Variants in NUMBL observed in about 807,000 individuals in gnomAD.
The protein encoded by NUMBL is numb-like protein.
A neutral mutation model predicts 48.9 loss-of-function variants in NUMBL; 20 were observed. That is an observed-to-expected ratio of 0.41 (90% CI 0.29 to 0.59). The LOEUF is 0.59. Ranked by LOEUF, NUMBL falls within the 20% of genes least tolerant of loss-of-function variation. The pLI is 0.31. For synonymous variants in NUMBL, 340 were observed against 348.7 expected (o/e 0.98, Z 0.28); for missense variants, 660 against 846.2 (o/e 0.78, Z 2.73).
At chr19:40,672,499 C>A (rs1337718517) in intron 8 of NUMBL, among the ~76,000 whole-genome samples, 5 of 152,248 alleles carry the variant, frequency 3.3e-5, no homozygotes, top group African/African-American at 1.2e-4. Context: ...GTGCCTACAA[C>A]AAATGTTCCT....
At position 40,683,172 on chromosome 19, in the gene NUMBL, G is replaced by A. The variant is rs370794894; in HGVS notation, c.250-204C>T. ...AGATGGGGAAACTGAAGCACAGCAC[G>A]TAGTAGTGATTCCAGTCTAGCTATA... On this transcript the variant is annotated intron_variant, in intron 3 of 9. Coordinates refer to ENST00000252891, the MANE Select transcript of NUMBL (RefSeq NM_004756.5). 4.1e-4 allele frequency: 255 copies of A among 626,248 alleles called. No homozygotes were observed. The African/African-American group carries it at 4.1e-3, about 10-fold the overall frequency. 38.8% of individuals were successfully genotyped at this position (626,248 alleles called of 1,614,324 possible). A position where few individuals can be genotyped will look rare whatever the true frequency, so the allele number is the denominator to read the frequency against.
chr19:40,684,778 G>A, intron 2 of NUMBL: 1 of 574,480 alleles, frequency 1.7e-6, no homozygotes, highest in Non-Finnish European at 2.9e-6. Flanking sequence ...GTTGGGCACT[G>A]GGGATTCAGA....
intron 8 of NUMBL, among the ~76,000 whole-genome samples, chr19:40,672,051 T>C (rs1189662211): frequency 1.3e-5 from 2 of 152,250 alleles, no homozygotes; most frequent in East Asian, 1.9e-4. Context: ...TTGTATTTTT[T>C]TGTAGAGACA....
intron 2 of NUMBL, among the ~76,000 whole-genome samples, 170 bp downstream of exon 2, chr19:40,686,741 G>T (rs535863643): frequency 2.3e-4 from 35 of 152,268 alleles, no homozygotes; most frequent in African/African-American, 8.4e-4. Context: ...GGGTGTCAGG[G>T]TGTGGGTCTG....
chr19:40,677,395 G>A lies in NUMBL; in HGVS notation c.567C>T (p.Gly189=). The change falls in exon 7 of 10, where the codon GGC becomes GGT. Residue 189 remains glycine (G), a synonymous_variant. Transcript: ENST00000252891. ...DSGERLSHAV[G]CAFAACLERK... Reference sequence around the variant, plus strand: ...GCTCCAGGCAGGCGGCAAAAGCACAGCCCACAGCGTGGCTCAGCCTCTCGC... The same window carrying A: ...GCTCCAGGCAGGCGGCAAAAGCACAACCCACAGCGTGGCTCAGCCTCTCGC... 1 of 1,610,658 alleles carries A rather than the reference G, an allele frequency of 6.2e-7. No individual in the cohort carries two copies. Among genetic ancestry groups the A allele is most frequent in the Non-Finnish European group, 8.5e-7 (1 of 1,179,914 alleles).
chr19:40,679,884 G>A (rs1429166631), intron 6 of NUMBL, among the ~76,000 whole-genome samples: 1 of 151,960 alleles, frequency 6.6e-6, no homozygotes, highest in African/African-American at 2.4e-5. Context: ...AATGTTTCAG[G>A]ACTGCTAAAG....
In NUMBL at chr19:40,673,429, C is replaced by G; in HGVS notation, c.951G>C (p.Ser317=). 5.0e-6 allele frequency: 8 copies of G among 1,612,984 alleles called. No homozygotes were observed. The highest frequency in any genetic ancestry group is 4.4e-5 in the South Asian group (4 of 90,786). ...GTAGGCTCAGCTGCCGTTTGAAAGG[C>G]GAGTTCTTCTGGCTGAGTGCTGGGA... The part of the protein sequence containing the change: ...RGFPALSQKN[S]PFKRQLSLRL... The change falls in exon 8 of 10, where the codon TCG becomes TCC. Residue 317 remains serine, a synonymous_variant. Coordinates refer to ENST00000252891, the MANE Select transcript of NUMBL (RefSeq NM_004756.5). The surrounding 1 kb of genome is among the most constrained non-coding windows in gnomAD (Gnocchi z 5.9).
chr19:40,675,560 A>C (rs1014668057), intron 7 of NUMBL, among the ~76,000 whole-genome samples: 3 of 145,802 alleles, frequency 2.1e-5, no homozygotes, highest in African/African-American at 7.7e-5. Flanking sequence ...CAGGACATAC[A>C]TACAATTATA....
intron 2 of NUMBL, chr19:40,686,167 T>TG (rs1379089902): frequency 7.0e-6 from 1 of 143,466 alleles, no homozygotes; most frequent in African/African-American, 2.7e-5. Context: ...TTTTTTTTTT[T>TG]GAGACGAAAT....
At chr19:40,676,660 C>A (rs1254908342) in intron 7 of NUMBL, among the ~76,000 whole-genome samples, 1 of 149,398 alleles carries the variant, frequency 6.7e-6, no homozygotes. Context: ...CCATTGCACT[C>A]CAGCCTGGTT....
chr19:40,679,870 T>C (rs1337816612), intron 6 of NUMBL, among the ~76,000 whole-genome samples: 2 of 152,048 alleles, frequency 1.3e-5, no homozygotes, highest in Admixed American at 6.6e-5. Context: ...TTAGCGGTGA[T>C]GAAAATGTTT....
At chr19:40,684,180 T>C in intron 3 of NUMBL, 1 of 463,340 alleles carries the variant, frequency 2.2e-6, no homozygotes, top group Non-Finnish European at 3.9e-6. Flanking sequence ...GCGATTCTCC[T>C]GTCTCAGCCT....
In NUMBL at chr19:40,667,619, G is replaced by A; in HGVS notation, c.1679C>T (p.Ala560Val). ...GSQARPRPNGAPWPPEPAPAP... is the reference protein window; with the variant it reads ...GSQARPRPNGVPWPPEPAPAP... ...AGGCGCTGGCTCAGGGGGCCAGGGG[G>A]CCCCATTGGGGCGAGGGCGGGCCTG... The change falls in exon 10 of 10, where the codon GCC becomes GTC. Residue 560 changes from alanine to valine, a missense_variant. Around this residue, in one of 3 missense-constraint regions of NUMBL, gnomAD observed 296 missense variants for 339.7 expected, o/e 0.87. Coordinates refer to ENST00000252891, the MANE Select transcript of NUMBL (RefSeq NM_004756.5). The surrounding 1 kb of genome is among the most constrained non-coding windows in gnomAD (Gnocchi z 6.1). 6.4e-7 allele frequency: 1 copy of A among 1,554,728 alleles called. No homozygotes were observed. The highest frequency in any genetic ancestry group is 8.7e-7 in the Non-Finnish European group (1 of 1,149,360).
At chr19:40,684,696 G>A (rs947024369) in intron 2 of NUMBL, 140 bp from the exon 3 acceptor site, 19 of 1,187,916 alleles carry the variant, frequency 1.6e-5, no homozygotes, top group Admixed American at 1.2e-4. Flanking sequence ...AGTTGGCAGC[G>A]CACATGGGAT....
Position 40,677,328 on chromosome 19 carries a change from A to C in NUMBL, c.634T>G (p.Phe212Val), listed in dbSNP as rs1432347012. The C allele has an allele frequency of 6.2e-7, 1 of 1,612,158 alleles. No homozygotes were observed. Among genetic ancestry groups the C allele is most frequent in the Admixed American group, 1.7e-5 (1 of 59,990 alleles). Residue 212 changes from phenylalanine to valine, a missense_variant, in exon 7 of 10, where the codon TTC becomes GTC. Coordinates refer to ENST00000252891, the MANE Select transcript of NUMBL (RefSeq NM_004756.5). ...GCGAAGCTGGTGCGGCTGGCATCGA[A>C]GGCGGCCGTGACCCCACATTCCTTC... ...REKECGVTAA[F>V]DASRTSFARE...
At chr19:40,690,434 G>T in intron 1 of NUMBL, 26 bp downstream of exon 1, 1 of 1,211,162 alleles carries the variant, frequency 8.3e-7, no homozygotes, top group Non-Finnish European at 1.0e-6. Context: ...CCCCCGACCC[G>T]AGCCCCCCTC....
Position 40,677,273 on chromosome 19 carries a change from C to A in NUMBL, c.689G>T (p.Gly230Val). The A allele has an allele frequency of 2.5e-6, 4 of 1,598,390 alleles. No homozygotes were observed. Among genetic ancestry groups the A allele is most frequent in the Non-Finnish European group, 2.6e-6 (3 of 1,173,264 alleles). The change falls in exon 7 of 10, where the codon GGT becomes GTT. Residue 230 changes from glycine (G) to valine (V), a missense_variant. By Grantham distance (109) the Gly-to-Val change is moderately radical. This residue lies in a region of NUMBL where 278 missense variants were observed against 420.6 expected (regional missense o/e 0.66). Coordinates refer to ENST00000252891, the MANE Select transcript of NUMBL (RefSeq NM_004756.5). ...GGCCTCTCGCTCAGCAGGCCGCCCA[C>A]CCCCAGACAGGCGGAAGGAGCCCTC... ...AREGSFRLSG[G>V]GRPAEREAPD...
rs1301317997 is a variant in NUMBL, at chr19:40,667,475, T to C, written c.1823A>G (p.Glu608Gly). ...TGGGTGGGGCGGCTCGGGCTACAGT[T>C]CAATCTCGAATGTCTTTTGCAGGTC... ...SGDLQKTFEI[E>G]L Residue 608 changes from glutamate (E) to glycine (G), a missense_variant, in exon 10 of 10, where the codon GAA becomes GGA. This residue lies in a region of NUMBL where 296 missense variants were observed against 339.7 expected (regional missense o/e 0.87). Transcript: ENST00000252891. This position sits in a 1 kb window ranked among gnomAD's most constrained non-coding sequence, Gnocchi z 6.1. 1 of 1,603,388 alleles carries C rather than the reference T, an allele frequency of 6.2e-7. No individual in the cohort carries two copies. Among genetic ancestry groups the C allele is most frequent in the Admixed American group, 1.7e-5 (1 of 58,236 alleles).
intron 1 of NUMBL, among the ~76,000 whole-genome samples, chr19:40,689,073 C>G (rs1254981221): frequency 1.3e-5 from 2 of 152,126 alleles, no homozygotes; most frequent in African/African-American, 4.8e-5. Flanking sequence ...AGAGACACAA[C>G]TATAAACATT....
Sources: allele counts gnomAD v4.1 joint callset (sites outside exome capture counted in the v4.1 genomes callset), GRCh38; gene constraint gnomAD v4.1.1; regional missense constraint gnomAD v4.1.1; non-coding constraint Gnocchi (gnomAD v3.1); transcripts MANE v1.5; gene names NCBI Gene and HGNC (gene_info 2026-07-23, HGNC 2026-07-21).